EIF4G3: variants seen among roughly 807,000 people sequenced by gnomAD.
EIF4G3 encodes the protein eIF-4-gamma 3.
In EIF4G3, 34 loss-of-function variants were observed where a neutral mutation model predicts 186.4. The ratio of observed to expected loss-of-function variants is 0.18; its 90% CI spans 0.14 to 0.24. The LOEUF is 0.24. EIF4G3 is among the 10% of genes least tolerant of loss of function. The pLI is 1.00. For synonymous variants in EIF4G3, 673 were observed against 679.5 expected (o/e 0.99, Z 0.15); for missense variants, 1,536 against 1,948.5 (o/e 0.79, Z 3.99).
chr1:20,993,413 A>C (rs770894409), intron 7 of EIF4G3, among the ~76,000 whole-genome samples: 11 of 147,506 alleles, frequency 7.5e-5, no homozygotes, highest in Non-Finnish European at 1.7e-4. Flanking sequence ...AAAATATTTA[A>C]GTTCTAAGAT....
At chr1:20,853,764 GA>G in intron 26 of EIF4G3, 87 bp from the exon 27 acceptor site, 2 of 925,718 alleles carry the variant, frequency 2.2e-6, no homozygotes, top group Non-Finnish European at 3.4e-6. Flanking sequence ...GGTGAGGCCT[GA>G]GACCAGGCAT....
intron 3 of EIF4G3, among the ~76,000 whole-genome samples, chr1:21,076,927 A>C (rs2095606512): frequency 6.6e-6 from 1 of 152,202 alleles, no homozygotes; most frequent in African/African-American, 2.4e-5. Context: ...GAAAAAAGCA[A>C]AACTAGAGAA....
At chr1:21,166,511 G>C (rs1202195062) in intron 2 of EIF4G3, among the ~76,000 whole-genome samples, 1 of 152,136 alleles carries the variant, frequency 6.6e-6, no homozygotes, top group East Asian at 1.9e-4. Flanking sequence ...GATCACTTAA[G>C]GTCAGGAGTC....
At position 20,980,365 on chromosome 1, in the gene EIF4G3, T is replaced by C. The variant is rs1382529185; in HGVS notation, c.462A>G (p.Gly154=). The C allele has an allele frequency of 1.3e-6, 2 of 1,550,748 alleles. No homozygotes were observed. The highest frequency in any genetic ancestry group is 1.4e-5 in the African/African-American group (1 of 69,820). Residue 154 remains glycine, a synonymous_variant, in exon 10 of 37, where the codon GGA becomes GGG. Transcript: ENST00000602326. ...QPPGPGPFYP[G]PGPGDFPNAY... is the part of the protein sequence containing the mutation. Reference sequence around the variant, plus strand: ...CATTGGGGAAGTCCCCAGGTCCTGGTCCAGGATAAAAAGGACCTGGCCCCG... The same window carrying C: ...CATTGGGGAAGTCCCCAGGTCCTGGCCCAGGATAAAAAGGACCTGGCCCCG...
chr1:20,913,964 G>C (rs1478483255), intron 14 of EIF4G3, among the ~76,000 whole-genome samples: 1 of 151,758 alleles, frequency 6.6e-6, no homozygotes, highest in East Asian at 1.9e-4. Flanking sequence ...ATGCCGCCAC[G>C]CCTGGATAAT....
In EIF4G3 at chr1:20,879,362, G is replaced by A; in HGVS notation, c.2583C>T (p.Phe861=). The change falls in exon 20 of 37, where the codon TTC becomes TTT. Residue 861 remains phenylalanine (F), a synonymous_variant. Transcript: ENST00000602326. ...VFEKAIDEPS[F]SVAYANMCRC... ...GACACATGTTTGCGTAAGCCACAGA[G>A]AAACTGGGTTCATCAATAGCCTTCT... 1 of 1,606,014 alleles carries A rather than the reference G, an allele frequency of 6.2e-7. No homozygotes were observed. Among genetic ancestry groups the A allele is most frequent in the Non-Finnish European group, 8.5e-7 (1 of 1,176,170 alleles).
chr1:21,125,600 T>G (rs1487626488), intron 2 of EIF4G3, among the ~76,000 whole-genome samples: 1 of 151,932 alleles, frequency 6.6e-6, no homozygotes, highest in African/African-American at 2.4e-5. Flanking sequence ...GTGCCTGTAA[T>G]CCCAGCTACT....
chr1:20,825,887 T>C (rs10753507), intron 32 of EIF4G3, among the ~76,000 whole-genome samples: 1 of 151,958 alleles, frequency 6.6e-6, no homozygotes, highest in African/African-American at 2.4e-5. Flanking sequence ...AGAGCTGTTG[T>C]CAGGTAGAAA....
intron 4 of EIF4G3, among the ~76,000 whole-genome samples, chr1:21,005,758 C>T (rs1050755320): frequency 6.6e-6 from 1 of 152,142 alleles, no homozygotes; most frequent in African/African-American, 2.4e-5. Context: ...TCCCAATGTG[C>T]CTTTTTCCAG....
chr1:20,983,612 T>C (rs562975279), intron 7 of EIF4G3, among the ~76,000 whole-genome samples: 2 of 152,284 alleles, frequency 1.3e-5, no homozygotes, highest in East Asian at 3.9e-4. Context: ...AAGCCTCAAG[T>C]AGAGAAGAGT....
At chr1:20,896,127 A>C (rs889959759) in intron 16 of EIF4G3, among the ~76,000 whole-genome samples, 6 of 152,174 alleles carry the variant, frequency 3.9e-5, no homozygotes, top group African/African-American at 1.4e-4. Flanking sequence ...AAGATAAATA[A>C]TTTTAAAAAT....
chr1:20,995,169 C>T (rs951032061), intron 7 of EIF4G3, among the ~76,000 whole-genome samples: 2 of 152,112 alleles, frequency 1.3e-5, no homozygotes, highest in African/African-American at 4.8e-5. Flanking sequence ...TCTTAGAGAA[C>T]AGAATTTCCC....
chr1:21,148,994 G>C (rs2097504663), intron 2 of EIF4G3, among the ~76,000 whole-genome samples: 1 of 151,950 alleles, frequency 6.6e-6, no homozygotes, highest in African/African-American at 2.4e-5. Context: ...AACTGGGTAA[G>C]CTGAGGCAGG....
chr1:21,024,123 G>A (rs2091548138), intron 4 of EIF4G3, among the ~76,000 whole-genome samples: 1 of 151,808 alleles, frequency 6.6e-6, no homozygotes, highest in Admixed American at 6.5e-5. Context: ...TCTGGGAAGT[G>A]AGGAGCGTCT....
At chr1:20,926,680 G>GAAAA (rs376198678) in intron 14 of EIF4G3, among the ~76,000 whole-genome samples, 3 of 124,366 alleles carry the variant, frequency 2.4e-5, no homozygotes, top group Non-Finnish European at 3.3e-5. Flanking sequence ...AAAAAGAAAA[G>GAAAA]AAAAAAAAAA....
chr1:21,085,644 G>A (rs965702332), intron 3 of EIF4G3, among the ~76,000 whole-genome samples: 6 of 152,056 alleles, frequency 3.9e-5, no homozygotes, highest in South Asian at 2.1e-4. Context: ...CAATCTTCCC[G>A]CCTTGGCCTC....
At chr1:21,120,050 G>A (rs531656183) in intron 2 of EIF4G3, among the ~76,000 whole-genome samples, 14 of 151,016 alleles carry the variant, frequency 9.3e-5, no homozygotes, top group East Asian at 3.9e-4. Flanking sequence ...GTTATAACAC[G>A]GAATATAAAT....
At chr1:21,032,780 T>TA (rs771360037) in intron 4 of EIF4G3, among the ~76,000 whole-genome samples, 23 of 151,488 alleles carry the variant, frequency 1.5e-4, no homozygotes, top group Non-Finnish European at 2.7e-4. Context: ...AAATAGCTTT[T>TA]AAAAAAAACG....
At chr1:21,084,278 C>CAGTT (rs1206179226) in intron 3 of EIF4G3, among the ~76,000 whole-genome samples, 2 of 150,734 alleles carry the variant, frequency 1.3e-5, no homozygotes, top group Non-Finnish European at 3.0e-5. Context: ...AACTGACTCA[C>CAGTT]AGTTCCACGT....
Sources: allele counts gnomAD v4.1 joint callset (sites outside exome capture counted in the v4.1 genomes callset), GRCh38; gene constraint gnomAD v4.1.1; transcripts MANE v1.5; gene names NCBI Gene and HGNC (gene_info 2026-07-23, HGNC 2026-07-21).